Variants in EMILIN2 observed in about 807,000 individuals in gnomAD.
The protein encoded by EMILIN2 is elastin microfibril interfacer 2.
Under a neutral mutation model 87.1 loss-of-function variants are expected in EMILIN2, and 71 were observed. The ratio of observed to expected loss-of-function variants is 0.82; its 90% CI spans 0.67 to 0.99. The LOEUF is 0.99. Among genes scored for constraint, EMILIN2 ranks in the 50% least tolerant of loss-of-function variants. EMILIN2 has a pLI of 0.00. For missense variants in EMILIN2, 1,407 were observed against 1,371.8 expected (o/e 1.03, Z -0.40); for synonymous variants, 581 against 563.4 (o/e 1.03, Z -0.44).
chr18:2,915,723 G>A lies in EMILIN2; in HGVS notation c.*2319G>A, dbSNP rs12954254. The A allele has an allele frequency of 0.069, 10,483 of 152,158 alleles. 498 individuals carry two copies. Among genetic ancestry groups the A allele is most frequent in the Middle Eastern group, 0.1 (31 of 296 alleles). The allele number at this position is 152,158 out of a possible 1,614,324, so 9.4% of individuals were successfully genotyped here. On this transcript the variant is annotated 3_prime_UTR_variant, in exon 8 of 8. Coordinates refer to ENST00000254528, the MANE Select transcript of EMILIN2 (RefSeq NM_032048.3). ...ATTTTAGTAGAGATGGGGTTTCACC[G>A]TGTTGCCCAGGCTGGTCGCGAACTC...
intron 2 of EMILIN2, among the ~76,000 whole-genome samples, chr18:2,855,415 C>T (rs540228517): frequency 7.7e-4 from 117 of 152,344 alleles, no homozygotes; most frequent in Middle Eastern, 3.4e-3. Flanking sequence ...TTTCTACCTT[C>T]GTCTTACACA....
At chr18:2,899,387 T>C (rs1456266438) in intron 4 of EMILIN2, among the ~76,000 whole-genome samples, 1 of 152,236 alleles carries the variant, frequency 6.6e-6, no homozygotes, top group Non-Finnish European at 1.5e-5. Flanking sequence ...GTTCCAGTTT[T>C]TGAGGTCTCT....
intron 2 of EMILIN2, among the ~76,000 whole-genome samples, chr18:2,873,750 A>G (rs1598491640): frequency 6.6e-6 from 1 of 152,106 alleles, no homozygotes; most frequent in Non-Finnish European, 1.5e-5. Flanking sequence ...AATGGAAAAA[A>G]TCGTGAACAG....
At chr18:2,878,011 G>A (rs72870031) in intron 2 of EMILIN2, among the ~76,000 whole-genome samples, 47,870 of 152,038 alleles carry the variant, frequency 0.31, 8,155 homozygotes, top group East Asian at 0.71. Context: ...AATTCATGGA[G>A]AATGTACAGT....
intron 2 of EMILIN2, among the ~76,000 whole-genome samples, chr18:2,869,815 C>G (rs1248301): frequency 0.49 from 72,120 of 145,960 alleles, 17,544 homozygotes; most frequent in African/African-American, 0.55. Context: ...TGTGTGTGTA[C>G]CATCATTTGT....
chr18:2,874,228 GT>G (rs113532875), intron 2 of EMILIN2, among the ~76,000 whole-genome samples: 104 of 151,822 alleles, frequency 6.9e-4, no homozygotes, highest in African/African-American at 2.3e-3. Flanking sequence ...TCTTGTTGTT[GT>G]TTTTTTTAAG....
At chr18:2,911,050 C>A (rs922471334) in intron 7 of EMILIN2, among the ~76,000 whole-genome samples, 2 of 152,194 alleles carry the variant, frequency 1.3e-5, no homozygotes, top group Admixed American at 6.5e-5. Context: ...CAATGCTTGC[C>A]TCCTCAGAAG....
intron 4 of EMILIN2, among the ~76,000 whole-genome samples, chr18:2,905,775 G>GTTTT: frequency 1.1e-5 from 1 of 92,718 alleles, no homozygotes; most frequent in Admixed American, 1.0e-4. Flanking sequence ...GCTAATTTTT[G>GTTTT]TTTTTTTGTT....
In EMILIN2 at chr18:2,915,003, A is replaced by G. The variant is rs2076959538; in HGVS notation, c.*1599A>G. 1 of 152,254 alleles carries G rather than the reference A, an allele frequency of 6.6e-6. No individual in the cohort carries two copies. The highest frequency in any genetic ancestry group is 6.5e-5 in the Admixed American group (1 of 15,280). 9.4% of individuals were successfully genotyped at this position (152,254 alleles called of 1,614,324 possible). A position where few individuals can be genotyped will look rare whatever the true frequency, so the allele number is the denominator to read the frequency against. ...GCCCCAGTGCAGCAGTGTTTTCAGG[A>G]AAACCCAGTGGGCACGCGCCATCGC... On this transcript the variant is annotated 3_prime_UTR_variant, in exon 8 of 8. Coordinates refer to ENST00000254528, the MANE Select transcript of EMILIN2 (RefSeq NM_032048.3).
At chr18:2,851,992 G>A (rs2076604001) in intron 2 of EMILIN2, among the ~76,000 whole-genome samples, 1 of 152,166 alleles carries the variant, frequency 6.6e-6, no homozygotes, top group Non-Finnish European at 1.5e-5. Context: ...CCAGGGCTTT[G>A]CGGACTGCCC....
In EMILIN2 at chr18:2,891,615, T is replaced by G. The variant is rs774030415; in HGVS notation, c.1488T>G (p.Ser496=). 1 of 1,613,916 alleles carries G rather than the reference T, an allele frequency of 6.2e-7. No individual in the cohort carries two copies. The highest frequency in any genetic ancestry group is 8.5e-7 in the Non-Finnish European group (1 of 1,180,038). Residue 496 remains serine (S), a synonymous_variant, in exon 4 of 8, where the codon TCT becomes TCG. Coordinates refer to ENST00000254528, the MANE Select transcript of EMILIN2 (RefSeq NM_032048.3). The surrounding 1 kb of genome is among the most constrained non-coding windows in gnomAD (Gnocchi z 4.6). The part of the protein sequence containing the change: ...LKQLVDQKIQ[S]LEDRLGSVLL... ...AGCTTGTTGATCAGAAAATACAGTC[T>G]CTGGAAGACCGTCTGGGGAGCGTTC...
At chr18:2,861,192 A>G (rs2076659394) in intron 2 of EMILIN2, among the ~76,000 whole-genome samples, 1 of 151,948 alleles carries the variant, frequency 6.6e-6, no homozygotes. Context: ...TTGCCTGTTC[A>G]CTCTGACGGT....
intron 3 of EMILIN2, among the ~76,000 whole-genome samples, chr18:2,886,867 T>A (rs1313710318): frequency 6.6e-6 from 1 of 152,184 alleles, no homozygotes; most frequent in Non-Finnish European, 1.5e-5. Flanking sequence ...CATTTTCATC[T>A]TCTTGAAGAA....
intron 2 of EMILIN2, among the ~76,000 whole-genome samples, chr18:2,869,722 T>C (rs1461186665): frequency 6.6e-6 from 1 of 152,024 alleles, no homozygotes; most frequent in Non-Finnish European, 1.5e-5. Context: ...TGTGTGCCAC[T>C]GCACCTGGCT....
chr18:2,865,824 C>A (rs1385686020), intron 2 of EMILIN2, among the ~76,000 whole-genome samples: 1 of 152,352 alleles, frequency 6.6e-6, no homozygotes, highest in South Asian at 2.1e-4. Flanking sequence ...TCTACAGAGG[C>A]AGGCAGGCCT....
rs553693961 is a variant in EMILIN2 at position 2,901,358 on chromosome 18, G to A, written c.2360-5425G>A. ...GCAACCCCTGACTCCTGTAATGAGC[G>A]AGGGTGTTAGTTCAGGGGGAAGACA... On this transcript the variant is annotated intron_variant, in intron 4 of 7. Transcript: ENST00000254528. Among the ~76,000 whole-genome samples the A allele has an allele frequency of 2.4e-4, 37 of 152,366 alleles. No individual in the cohort carries two copies. In the South Asian group the frequency reaches 6.2e-3, roughly 26 times the overall value.
intron 4 of EMILIN2, among the ~76,000 whole-genome samples, chr18:2,900,727 C>T (rs10163804): frequency 0.043 from 6,581 of 152,248 alleles, 463 homozygotes; most frequent in African/African-American, 0.15. Context: ...ATGAGTCCAG[C>T]ATTTCTCATG....
intron 2 of EMILIN2, among the ~76,000 whole-genome samples, chr18:2,867,557 C>G (rs887803140): frequency 1.3e-5 from 2 of 152,106 alleles, no homozygotes; most frequent in Admixed American, 6.5e-5. Flanking sequence ...TGACTCTCAA[C>G]GAGCATGCTG....
intron 2 of EMILIN2, among the ~76,000 whole-genome samples, chr18:2,858,569 A>ATATATATATGTGTG (rs1305555851): frequency 7.2e-5 from 4 of 55,376 alleles, no homozygotes; most frequent in African/African-American, 3.5e-4. Flanking sequence ...ATATATATAT[A>ATATATATATGTGTG]TGTGTGTGTG....
Sources: allele counts gnomAD v4.1 joint callset (sites outside exome capture counted in the v4.1 genomes callset), GRCh38; gene constraint gnomAD v4.1.1; non-coding constraint Gnocchi (gnomAD v3.1); transcripts MANE v1.5; gene names NCBI Gene and HGNC (gene_info 2026-07-23, HGNC 2026-07-21).